The following IQCM variants were observed in gnomAD, a reference collection of about 807,000 sequenced individuals.
IQCM encodes IQ motif containing M.
IQCM carries 45 observed loss-of-function variants against 57.6 expected under a neutral mutation model. The ratio of observed to expected loss-of-function variants is 0.78; its 90% CI spans 0.62 to 1.00. The LOEUF is 1.00. IQCM is among the 50% of genes least tolerant of loss of function. The pLI is 0.00. For missense variants in IQCM, 468 were observed against 511.6 expected, an observed-to-expected ratio of 0.91 and a Z score of 0.82; for synonymous variants, 148 against 158.9, an observed-to-expected ratio of 0.93 and a Z score of 0.51.
In IQCM at chr4:149,404,155, C is replaced by T. The variant is rs527704076; in HGVS notation, c.1390+29241G>A. Among the ~76,000 whole-genome samples, 4 of 152,052 alleles carry T rather than the reference C, an allele frequency of 2.6e-5. No individual in the cohort carries two copies. In the East Asian group the frequency reaches 5.8e-4, roughly 22 times the overall value. ...GAGCACTAAAGAGACACATGTTCTTCGATACACCTTGCAACATTGTTCAGA... is the reference window on the plus strand; with the variant it reads ...GAGCACTAAAGAGACACATGTTCTTTGATACACCTTGCAACATTGTTCAGA... On this transcript the variant is annotated intron_variant, in intron 13 of 13. Transcript: ENST00000636793.
At position 149,410,182 on chromosome 4, in the gene IQCM, A is replaced by T. The variant is rs190669997; in HGVS notation, c.1390+23214T>A. The stretch of plus-strand genomic sequence containing the variant: ...TGGGCTACAGAGCAAGGCTCCATTT[A>T]AAACAAACAAACAAACAAACAAACA... On this transcript the variant is annotated intron_variant, in intron 13 of 13. Coordinates refer to ENST00000636793, the MANE Select transcript of IQCM (RefSeq NM_001363507.2). Among the ~76,000 whole-genome samples the T allele has an allele frequency of 3.4e-3, 521 of 152,150 alleles. 3 individuals carry two copies. Among genetic ancestry groups the T allele is most frequent in the African/African-American group, 0.012 (490 of 41,532 alleles).
rs1256632567 is a variant in IQCM at position 149,690,557 on chromosome 4, C to T, written c.386-4089G>A. 2.0e-5 allele frequency among the ~76,000 whole-genome samples: 3 copies of T among 151,864 alleles called. No homozygotes were observed. The East Asian group carries it at 5.8e-4, about 29-fold the overall frequency. ...CTTGTAGCCAAATACCACCAATACC[C>T]CAATAACATATAGAAAAAGTAAATA... On this transcript the variant is annotated intron_variant, in intron 5 of 13. Transcript: ENST00000636793.
intron 13 of IQCM, among the ~76,000 whole-genome samples, chr4:149,428,447 A>T (rs879298473): frequency 6.6e-6 from 1 of 151,906 alleles, no homozygotes; most frequent in Admixed American, 6.6e-5. Flanking sequence ...AAAAGGGATC[A>T]AGGATTAGGA....
At chr4:149,751,286 C>T (rs1020208618) in intron 2 of IQCM, among the ~76,000 whole-genome samples, 2 of 152,164 alleles carry the variant, frequency 1.3e-5, no homozygotes, top group Non-Finnish European at 2.9e-5. Context: ...ATCTCCCCTC[C>T]GTGAATTCTT....
At chr4:149,451,801 T>C (rs1313739461) in intron 12 of IQCM, among the ~76,000 whole-genome samples, 1 of 151,644 alleles carries the variant, frequency 6.6e-6, no homozygotes, top group Non-Finnish European at 1.5e-5. Context: ...TGGTGAAAAA[T>C]TGTATGTTTT....
intron 5 of IQCM, among the ~76,000 whole-genome samples, chr4:149,725,221 T>C (rs1580131076): frequency 2.0e-5 from 3 of 152,282 alleles, no homozygotes; most frequent in Non-Finnish European, 2.9e-5. Flanking sequence ...TGGAAGATAA[T>C]GCAACTGAAT....
intron 2 of IQCM, among the ~76,000 whole-genome samples, chr4:149,806,225 A>C (rs1028179451): frequency 3.3e-5 from 5 of 151,902 alleles, no homozygotes; most frequent in Non-Finnish European, 7.4e-5. Flanking sequence ...TTTGCAGCTC[A>C]AATGGATTAT....
At chr4:149,680,441 T>G (rs1396365483) in intron 7 of IQCM, among the ~76,000 whole-genome samples, 1 of 151,352 alleles carries the variant, frequency 6.6e-6, no homozygotes, top group East Asian at 1.9e-4. Flanking sequence ...ATCTAGTATT[T>G]TATTTTCTCA....
chr4:149,621,462 T>G (rs1159168177), intron 7 of IQCM, among the ~76,000 whole-genome samples: 1 of 152,102 alleles, frequency 6.6e-6, no homozygotes, highest in Non-Finnish European at 1.5e-5. Flanking sequence ...TATGGTAAGG[T>G]TCTCGTGTTT....
At position 149,469,158 on chromosome 4, in the gene IQCM, G is replaced by A. The variant is rs185099782; in HGVS notation, c.1229-35601C>T. Among the ~76,000 whole-genome samples, 434 of 152,008 alleles carry A rather than the reference G, an allele frequency of 2.9e-3. 7 individuals are homozygous for A. Among genetic ancestry groups the A allele is most frequent in the African/African-American group, 9.8e-3 (407 of 41,502 alleles). ...AGTTGAGAGAAGGCTTCAGACGATC[G>A]GTAATAACAAACTTCTCTGAGCTAA... On this transcript the variant is annotated intron_variant, in intron 12 of 13. Transcript: ENST00000636793.
intron 13 of IQCM, among the ~76,000 whole-genome samples, chr4:149,361,745 C>T (rs956233929): frequency 2.0e-5 from 3 of 152,204 alleles, no homozygotes; most frequent in Non-Finnish European, 4.4e-5. Context: ...GGGTGGGGCC[C>T]TCACGGAGAA....
chr4:149,484,478 A>T (rs1287997282), intron 12 of IQCM, among the ~76,000 whole-genome samples: 1 of 151,504 alleles, frequency 6.6e-6, no homozygotes, highest in Non-Finnish European at 1.5e-5. Flanking sequence ...ATATTTTTCA[A>T]TTTTAGGTTA....
At chr4:149,566,070 A>G (rs1285884089) in intron 9 of IQCM, among the ~76,000 whole-genome samples, 1 of 152,204 alleles carries the variant, frequency 6.6e-6, no homozygotes, top group African/African-American at 2.4e-5. Context: ...AATAGCTTAG[A>G]AAAGAGGCAG....
chr4:149,699,539 C>A (rs1332347967), intron 5 of IQCM, among the ~76,000 whole-genome samples: 3 of 151,736 alleles, frequency 2.0e-5, no homozygotes, highest in African/African-American at 7.3e-5. Context: ...AAGATAGAGG[C>A]ATATATCCCT....
chr4:149,448,685 CAG>C (rs1286551678), intron 12 of IQCM, among the ~76,000 whole-genome samples: 1 of 151,634 alleles, frequency 6.6e-6, no homozygotes, highest in African/African-American at 2.4e-5. Context: ...AAAATGATGA[CAG>C]AGGAATATTA....
intron 8 of IQCM, among the ~76,000 whole-genome samples, chr4:149,604,482 T>C (rs575467837): frequency 1.5e-3 from 223 of 152,258 alleles, no homozygotes; most frequent in African/African-American, 5.1e-3. Flanking sequence ...TTTTAAAACA[T>C]TTTACCTGAT....
At chr4:149,352,808 A>G (rs780419522) in intron 13 of IQCM, among the ~76,000 whole-genome samples, 1 of 152,232 alleles carries the variant, frequency 6.6e-6, no homozygotes, top group Non-Finnish European at 1.5e-5. Context: ...ATCTTTATGT[A>G]TAAAATGACT....
intron 13 of IQCM, among the ~76,000 whole-genome samples, chr4:149,394,295 ATCT>A (rs1238178572): frequency 1.3e-5 from 2 of 151,746 alleles, no homozygotes; most frequent in Admixed American, 6.6e-5. Context: ...CATTTTTTGA[ATCT>A]TCATGTTTTG....
chr4:149,677,463 G>A (rs573429200), intron 7 of IQCM, among the ~76,000 whole-genome samples: 1 of 151,984 alleles, frequency 6.6e-6, no homozygotes, highest in South Asian at 2.1e-4. Context: ...TGGGCTTAAG[G>A]TGCCATCTAG....
Sources: gnomAD v4.1 joint callset for allele counts (sites outside exome capture counted in the v4.1 genomes callset) on GRCh38, gnomAD v4.1.1 for gene constraint, MANE v1.5 for transcripts, NCBI Gene and HGNC (gene_info 2026-07-23, HGNC 2026-07-21) for gene names.